The following ANK3 variants were observed in gnomAD, a reference collection of about 807,000 sequenced individuals.
ANK3 encodes the protein ankyrin 3.
ANK3 carries 57 observed loss-of-function variants against 370.9 expected under a neutral mutation model. That is an observed-to-expected ratio of 0.15 (90% CI 0.12 to 0.19). The LOEUF (loss-of-function observed/expected upper bound fraction) is 0.19. ANK3 is among the 10% of genes least tolerant of loss of function. The probability of loss-of-function intolerance (pLI) is 1.00; values close to 1 mark genes in which losing one functional copy is unlikely to be tolerated. For missense variants in ANK3, 4,439 were observed against 5,302.1 expected (o/e 0.84, Z 5.06); for synonymous variants, 1,929 against 1,946.3 (o/e 0.99, Z 0.23).
At chr10:60,246,164 G>C (rs887570475) in intron 7 of ANK3, among the ~76,000 whole-genome samples, 1 of 149,788 alleles carries the variant, frequency 6.7e-6, no homozygotes, top group African/African-American at 2.5e-5. Flanking sequence ...GCTGATGCAC[G>C]AGAATTGCTT....
At chr10:60,213,005 T>C (rs1263806173) in intron 9 of ANK3, among the ~76,000 whole-genome samples, 1 of 152,146 alleles carries the variant, frequency 6.6e-6, no homozygotes. Flanking sequence ...CTTTATCAGC[T>C]AAGTGATATC....
intron 28 of ANK3, among the ~76,000 whole-genome samples, chr10:60,096,257 T>C (rs1048525485): frequency 3.0e-4 from 45 of 152,276 alleles, no homozygotes; most frequent in African/African-American, 1.0e-3. Flanking sequence ...TAAAGCCTGA[T>C]AATGTAAAAA....
intron 16 of ANK3, among the ~76,000 whole-genome samples, chr10:60,190,898 T>G (rs1299871625): frequency 6.6e-6 from 1 of 152,004 alleles, no homozygotes; most frequent in African/African-American, 2.4e-5. Context: ...CATATATCAG[T>G]GGAACAGAAC....
At chr10:60,641,696 A>G (rs1004846753) in intron 1 of ANK3, among the ~76,000 whole-genome samples, 4 of 152,296 alleles carry the variant, frequency 2.6e-5, no homozygotes, top group Middle Eastern at 6.8e-3. Context: ...AAACCTAGGC[A>G]TTACCATTCA....
Position 60,681,333 on chromosome 10 carries a change from T to C in ANK3, c.57+51930A>G, listed in dbSNP as rs117865665. Among the ~76,000 whole-genome samples, 1,324 of 152,308 alleles carry C rather than the reference T, an allele frequency of 8.7e-3. 13 individuals are homozygous for C. The highest frequency in any genetic ancestry group is 0.017 in the Middle Eastern group (5 of 294). ...CCAAGTCCAAAACCATTAACACGAC[T>C]AGCAAGGCATTTCCTGAGGTGCCCT... On this transcript the variant is annotated intron_variant, in intron 1 of 43. Transcript: ENST00000373827.
chr10:60,070,398 C>A lies in ANK3; in HGVS notation c.10483G>T (p.Asp3495Tyr), dbSNP rs1369569420. The change falls in exon 37 of 44, where the codon GAT (aspartate) becomes TAT (tyrosine). Residue 3495 changes from aspartate (D) to tyrosine (Y), a missense_variant. This residue lies in a region of ANK3 where 1,601 missense variants were observed against 1,731.7 expected (regional missense o/e 0.92). Coordinates refer to ENST00000280772, the MANE Select transcript of ANK3 (RefSeq NM_020987.5). This position sits in a 1 kb window ranked among gnomAD's most constrained non-coding sequence, Gnocchi z 5.7. Reference protein sequence around the residue: ...SSSEKTPDKTDQKSGAQFFTL... With the variant: ...SSSEKTPDKTYQKSGAQFFTL... ...AAGAACTGGGCCCCTGACTTCTGAT[C>A]AGTCTTATCAGGAGTCTTTTCAGAT... 1 of 1,614,104 alleles carries A rather than the reference C, an allele frequency of 6.2e-7. No individual in the cohort carries two copies. The highest frequency in any genetic ancestry group is 8.5e-7 in the Non-Finnish European group (1 of 1,180,004).
intron 12 of ANK3, 36 bp downstream of exon 12, chr10:60,202,966 C>T: frequency 4.8e-6 from 7 of 1,455,510 alleles, no homozygotes; most frequent in Non-Finnish European, 6.6e-6. Context: ...TTATTAAATA[C>T]TCACAATGGA....
intron 4 of ANK3, among the ~76,000 whole-genome samples, chr10:60,277,757 T>C (rs2098112694): frequency 6.6e-6 from 1 of 152,196 alleles, no homozygotes; most frequent in South Asian, 2.1e-4. Context: ...TCAGGAAACT[T>C]AGTGTCTTTG....
At chr10:60,191,764 T>A (rs1247303808) in intron 16 of ANK3, among the ~76,000 whole-genome samples, 1 of 152,176 alleles carries the variant, frequency 6.6e-6, no homozygotes, top group African/African-American at 2.4e-5. Context: ...AGGAAATAAA[T>A]CATTATATCA....
In ANK3 at chr10:60,253,148, G is replaced by T. The variant is rs533530482; in HGVS notation, c.798+8711C>A. ...GGTTTACTTTGCCACTGTCCCATAT[G>T]TACTCTATTGTGAAAGGGGGAGGGA... On this transcript the variant is annotated intron_variant, in intron 7 of 43. Coordinates refer to ENST00000280772, the MANE Select transcript of ANK3 (RefSeq NM_020987.5). 4.6e-5 allele frequency among the ~76,000 whole-genome samples: 7 copies of T among 152,298 alleles called. No individual in the cohort carries two copies. In the South Asian group the frequency reaches 1.0e-3, roughly 23 times the overall value.
At chr10:60,695,998 C>T (rs1262237602) in intron 1 of ANK3, among the ~76,000 whole-genome samples, 1 of 150,812 alleles carries the variant, frequency 6.6e-6, no homozygotes, top group Non-Finnish European at 1.5e-5. Context: ...AATTGATAGA[C>T]CGCTAGCAAG....
chr10:60,733,084 C>T (rs1313996561), intron 1 of ANK3, among the ~76,000 whole-genome samples: 1 of 151,994 alleles, frequency 6.6e-6, no homozygotes, highest in African/African-American at 2.4e-5. Context: ...AACTGGACTC[C>T]CACGATCCGC....
At chr10:60,395,419 G>A (rs1287696211) in intron 2 of ANK3, among the ~76,000 whole-genome samples, 2 of 152,200 alleles carry the variant, frequency 1.3e-5, no homozygotes, top group African/African-American at 2.4e-5. Flanking sequence ...ATTCCTACTC[G>A]ACAGCACTCG....
chr10:60,155,197 C>T (rs753279699), intron 23 of ANK3, among the ~76,000 whole-genome samples: 2 of 152,178 alleles, frequency 1.3e-5, no homozygotes, highest in Non-Finnish European at 2.9e-5. Context: ...GACAGTCTTG[C>T]ATTATCTACA....
intron 23 of ANK3, among the ~76,000 whole-genome samples, chr10:60,144,642 A>G (rs1045037245): frequency 1.3e-5 from 2 of 152,190 alleles, no homozygotes; most frequent in African/African-American, 4.8e-5. Flanking sequence ...GAGATTTCCT[A>G]CACCATAATC....
intron 2 of ANK3, among the ~76,000 whole-genome samples, chr10:60,442,612 G>A (rs777505040): frequency 2.0e-5 from 3 of 152,112 alleles, no homozygotes; most frequent in Non-Finnish European, 2.9e-5. Flanking sequence ...GATACAAAAG[G>A]CAGACTGTAC....
rs770938953 is a variant in ANK3 at position 60,072,307 on chromosome 10, C to T, written c.8574G>A (p.Ser2858=). ...DKKVFRTWES[S]GATNNKSQKE... ...TCTGAGACTTATTGTTAGTGGCTCCCGAACTCTCCCATGTTCTAAAGACCT... is the reference window on the plus strand; with the variant it reads ...TCTGAGACTTATTGTTAGTGGCTCCTGAACTCTCCCATGTTCTAAAGACCT... The change falls in exon 37 of 44, where the codon TCG becomes TCA. Residue 2858 remains serine, a synonymous_variant. Coordinates refer to ENST00000280772, the MANE Select transcript of ANK3 (RefSeq NM_020987.5). 18 of 1,614,002 alleles carry T rather than the reference C, an allele frequency of 1.1e-5. 1 individual carries two copies. In the Middle Eastern group the frequency reaches 5.0e-4, roughly 44 times the overall value.
chr10:60,270,473 T>TA (rs766341893), intron 4 of ANK3, among the ~76,000 whole-genome samples: 1 of 152,192 alleles, frequency 6.6e-6, no homozygotes, highest in Non-Finnish European at 1.5e-5. Context: ...TAATAGTTCA[T>TA]AGTTAATAGT....
At chr10:60,191,251 A>C (rs2096473538) in intron 16 of ANK3, among the ~76,000 whole-genome samples, 1 of 152,180 alleles carries the variant, frequency 6.6e-6, no homozygotes, top group Admixed American at 6.5e-5. Context: ...TAAGTAAACT[A>C]AAAAGCTTCT....
Sources: allele counts gnomAD v4.1 joint callset (sites outside exome capture counted in the v4.1 genomes callset), GRCh38; gene constraint gnomAD v4.1.1; regional missense constraint gnomAD v4.1.1; non-coding constraint Gnocchi (gnomAD v3.1); transcripts MANE v1.5; gene names NCBI Gene and HGNC (gene_info 2026-07-23, HGNC 2026-07-21).